The following LEPROTL1 variants were observed in gnomAD, a reference collection of about 807,000 sequenced individuals.
LEPROTL1 encodes the protein leptin receptor overlapping transcript like 1.
In LEPROTL1, 6 loss-of-function variants were observed where a neutral mutation model predicts 15.4. That is an observed-to-expected ratio of 0.39 (90% confidence interval 0.21 to 0.77). The LOEUF is 0.77. Among genes scored for constraint, LEPROTL1 ranks in the 30% least tolerant of loss-of-function variants. The pLI is 0.41. For synonymous variants in LEPROTL1, 56 were observed against 52.6 expected, an observed-to-expected ratio of 1.06 and a Z score of -0.28; for missense variants, 128 against 158.1, an observed-to-expected ratio of 0.81 and a Z score of 1.02.
In LEPROTL1 at chr8:30,106,960, G is replaced by T; in HGVS notation, c.*1098G>T. On this transcript the variant is annotated 3_prime_UTR_variant, in exon 4 of 4. Coordinates refer to ENST00000321250, the MANE Select transcript of LEPROTL1 (RefSeq NM_015344.3). The stretch of plus-strand genomic sequence containing the variant: ...GTACATTCAGAGTGCCCCCTCCCCT[G>T]CAAGGCCTTGCCATGATTAACAAGT... 1.0e-6 allele frequency: 1 copy of T among 985,608 alleles called. No individual in the cohort carries two copies. Among genetic ancestry groups the T allele is most frequent in the Non-Finnish European group, 1.2e-6 (1 of 829,838 alleles). 61.1% of individuals were successfully genotyped at this position (985,608 alleles called of 1,614,324 possible).
intron 2 of LEPROTL1, 82 bp downstream of exon 2, chr8:30,102,055 C>T (rs898245108): frequency 2.6e-6 from 2 of 767,270 alleles, no homozygotes; most frequent in African/African-American, 3.6e-5. Context: ...TTTTTTACTA[C>T]TGTAAAAGTA....
chr8:30,107,094 T>C lies in LEPROTL1; in HGVS notation c.*1232T>C. On this transcript the variant is annotated 3_prime_UTR_variant, in exon 4 of 4. Coordinates refer to ENST00000321250, the MANE Select transcript of LEPROTL1 (RefSeq NM_015344.3). ...ATATCATATGTAATTTAAAAGTATT[T>C]TTAAGACAAGTTTCCTGTATACCTC... 2.0e-6 allele frequency: 2 copies of C among 980,414 alleles called. No homozygotes were observed. Among genetic ancestry groups the C allele is most frequent in the Non-Finnish European group, 2.4e-6 (2 of 825,364 alleles). The allele number at this position is 980,414 out of a possible 1,614,324, so 60.7% of individuals were successfully genotyped here.
chr8:30,132,433 G>C (rs760001524), exon 4 of LEPROTL1: 1 of 1,551,740 alleles, frequency 6.4e-7, no homozygotes, highest in South Asian at 1.2e-5. Context: ...ACCAAGCTCA[G>C]GCCCAAAGCC....
chr8:30,110,752 A>G (rs1802643654), downstream of LEPROTL1, among the ~76,000 whole-genome samples: 1 of 152,100 alleles, frequency 6.6e-6, no homozygotes, highest in African/African-American at 2.4e-5. Context: ...AAAAAAGCAA[A>G]TAGAATGTCT....
chr8:30,136,795 C>T (rs1803156431), intron 4 of LEPROTL1, among the ~76,000 whole-genome samples: 1 of 150,318 alleles, frequency 6.7e-6, no homozygotes, highest in Non-Finnish European at 1.5e-5. Context: ...GTGATGCGAT[C>T]TCCTGTCTCA....
At chr8:30,103,701 C>G (rs1242303098) in intron 2 of LEPROTL1, among the ~76,000 whole-genome samples, 1 of 150,084 alleles carries the variant, frequency 6.7e-6, no homozygotes, top group Non-Finnish European at 1.5e-5. Flanking sequence ...GAGATCATGC[C>G]ACTGCACTCC....
intron 3 of LEPROTL1, among the ~76,000 whole-genome samples, chr8:30,127,094 T>C (rs1310966238): frequency 1.3e-5 from 2 of 152,080 alleles, no homozygotes; most frequent in African/African-American, 4.8e-5. Context: ...TGAGTTCTCA[T>C]GACACTTCCT....
intron 1 of LEPROTL1, chr8:30,096,213 T>A (rs1023665670): frequency 1.5e-4 from 112 of 758,532 alleles, no homozygotes; most frequent in African/African-American, 9.6e-4. Flanking sequence ...TTTTTTTTTT[T>A]AAGAAGATAA....
Position 30,114,788 on chromosome 8 carries a change from T to C in LEPROTL1, c.279+10302T>C, listed in dbSNP as rs75879992. 1.2e-4 allele frequency among the ~76,000 whole-genome samples: 19 copies of C among 152,326 alleles called. No individual in the cohort carries two copies. In the East Asian group the frequency reaches 2.3e-3, roughly 19 times the overall value. On this transcript the variant is annotated intron_variant, in intron 3 of 4. Coordinates refer to the LEPROTL1 transcript ENST00000442880. ...GATTGGCTGTGATTCTACTGGAATA[T>C]TGTCTCAGGAACCTGGGCTATCAGT...
intron 3 of LEPROTL1, among the ~76,000 whole-genome samples, chr8:30,122,176 A>AG (rs2117515177): frequency 6.6e-6 from 1 of 152,194 alleles, no homozygotes; most frequent in Admixed American, 6.5e-5. Context: ...CAAAAAAAAA[A>AG]AAAAATTAAC....
In LEPROTL1 at chr8:30,103,201, TA is replaced by T. The variant is rs558050534; in HGVS notation, c.93-1094del. On this transcript the variant is annotated intron_variant, in intron 2 of 3. Coordinates refer to ENST00000321250, the MANE Select transcript of LEPROTL1 (RefSeq NM_015344.3). Reference sequence around the variant, plus strand: ...TTTTAATGGAAATACTAGGCAGTCTTAAAAAGAATGAGGAAGAGCTGTAAGT... The same window carrying T: ...TTTTAATGGAAATACTAGGCAGTCTTAAAAGAATGAGGAAGAGCTGTAAGT... 1.3e-3 allele frequency among the ~76,000 whole-genome samples: 201 copies of T among 152,316 alleles called. 2 individuals are homozygous for T. The highest frequency in any genetic ancestry group is 4.6e-3 in the African/African-American group (192 of 41,564).
At chr8:30,119,162 T>C (rs907610387) in intron 3 of LEPROTL1, among the ~76,000 whole-genome samples, 4 of 152,242 alleles carry the variant, frequency 2.6e-5, no homozygotes, top group African/African-American at 9.6e-5. Context: ...GCATACTGCC[T>C]GTAAACATTT....
intron 1 of LEPROTL1, among the ~76,000 whole-genome samples, chr8:30,096,972 T>A (rs1159903051): frequency 2.0e-5 from 3 of 152,214 alleles, no homozygotes; most frequent in Non-Finnish European, 1.5e-5. Context: ...TTCTGGTAAC[T>A]CCCAGGTTAG....
Position 30,101,916 on chromosome 8 carries a change from T to C in LEPROTL1, c.35T>C (p.Phe12Ser). 6.2e-7 allele frequency: 1 copy of C among 1,608,302 alleles called. No homozygotes were observed. Among genetic ancestry groups the C allele is most frequent in the Non-Finnish European group, 8.5e-7 (1 of 1,176,276 alleles). ...TTTGCAGCTTTGATTAGTTTGTCCT[T>C]TGGAGGAGCAATCGGACTGATGTTT... is the stretch of plus-strand genomic sequence containing the variant. ...AGIKALISLS[F>S]GGAIGLMFLM... The change falls in exon 2 of 4, where the codon TTT becomes TCT. Residue 12 changes from phenylalanine to serine, a missense_variant. Physicochemically the swap from Phe to Ser is radical, Grantham distance 155. Transcript: ENST00000321250.
At chr8:30,104,610 T>A in intron 3 of LEPROTL1, 124 bp downstream of exon 3, 1 of 517,772 alleles carries the variant, frequency 1.9e-6, no homozygotes, top group Non-Finnish European at 3.2e-6. Context: ...AGATAGAGAT[T>A]AAAATCTCAC....
intron 1 of LEPROTL1, chr8:30,095,961 C>T: frequency 1.5e-6 from 1 of 687,340 alleles, no homozygotes; most frequent in Non-Finnish European, 2.7e-6. Flanking sequence ...TCATTTCCCA[C>T]CGAAAGGCAC....
At chr8:30,132,097 T>G (rs1027188255) in intron 3 of LEPROTL1, 6 of 1,551,678 alleles carry the variant, frequency 3.9e-6, no homozygotes, top group Non-Finnish European at 5.2e-6. Context: ...CAACTGGGTG[T>G]GGGCCCAGGT....
chr8:30,102,260 T>C (rs780939729), intron 2 of LEPROTL1, among the ~76,000 whole-genome samples: 1 of 152,072 alleles, frequency 6.6e-6, no homozygotes, highest in East Asian at 1.9e-4. Context: ...TTAACATCTA[T>C]TGATAATACT....
At chr8:30,103,522 C>T (rs539143851) in intron 2 of LEPROTL1, among the ~76,000 whole-genome samples, 192 of 152,114 alleles carry the variant, frequency 1.3e-3, no homozygotes, top group African/African-American at 4.3e-3. Flanking sequence ...GGGTGGATCA[C>T]CTGAGGTCAG....
Sources: allele counts gnomAD v4.1 joint callset (sites outside exome capture counted in the v4.1 genomes callset), GRCh38; gene constraint gnomAD v4.1.1; transcripts MANE v1.5; gene names NCBI Gene and HGNC (gene_info 2026-07-23, HGNC 2026-07-21).